Variants in ANKRD13C observed in about 807,000 individuals in gnomAD.
The protein encoded by ANKRD13C is ankyrin repeat domain 13C, also known as ankyrin repeat domain-containing protein 13C.
In ANKRD13C, 16 loss-of-function variants were observed where a neutral mutation model predicts 65.5. The ratio of observed to expected loss-of-function variants is 0.24; its 90% CI spans 0.17 to 0.37. The LOEUF is 0.37. ANKRD13C is among the 10% of genes least tolerant of loss of function. The probability of loss-of-function intolerance (pLI) is 1.00; values close to 1 mark genes in which losing one functional copy is unlikely to be tolerated. For synonymous variants in ANKRD13C, 235 were observed against 238.7 expected (o/e 0.98, Z 0.14); for missense variants, 503 against 655.9 (o/e 0.77, Z 2.55).
In ANKRD13C at chr1:70,260,808, A is replaced by G. The variant is rs1678362888; in HGVS notation, c.*1909T>C. Reference sequence around the variant, plus strand: ...TTCCTACCTCCAGTGTACCCCAGCAAAATATTCATAGCTGTGCTGTTAGGA... The same window carrying G: ...TTCCTACCTCCAGTGTACCCCAGCAGAATATTCATAGCTGTGCTGTTAGGA... On this transcript the variant is annotated 3_prime_UTR_variant, in exon 13 of 13. Coordinates refer to ENST00000370944, the MANE Select transcript of ANKRD13C (RefSeq NM_030816.5). 2 of 152,116 alleles carry G rather than the reference A, an allele frequency of 1.3e-5. No homozygotes were observed. The highest frequency in any genetic ancestry group is 2.9e-5 in the Non-Finnish European group (2 of 67,966). The allele number at this position is 152,116 out of a possible 1,614,324, so 9.4% of individuals were successfully genotyped here.
chr1:70,336,152 C>G (rs1443997800), intron 1 of ANKRD13C, 53 bp from the exon 2 acceptor site: 2 of 496,926 alleles, frequency 4.0e-6, no homozygotes, highest in Non-Finnish European at 6.2e-6. Flanking sequence ...AACATAAGAA[C>G]ATTTACTTAA....
At chr1:70,274,865 A>C in intron 10 of ANKRD13C, 47 bp from the exon 11 acceptor site, 1 of 1,156,862 alleles carries the variant, frequency 8.6e-7, no homozygotes, top group Non-Finnish European at 1.3e-6. Context: ...TCCATAGTCT[A>C]TCACCTTCCT....
At chr1:70,272,505 C>T (rs573351697) in intron 11 of ANKRD13C, among the ~76,000 whole-genome samples, 1 of 152,088 alleles carries the variant, frequency 6.6e-6, no homozygotes. Flanking sequence ...CAGGTGTGCA[C>T]CACCATGTCC....
chr1:70,274,825 T>A lies in ANKRD13C; in HGVS notation c.1296-7A>T, dbSNP rs763114726. On this transcript the variant is annotated splice_polypyrimidine_tract_variant and splice_region_variant and intron_variant, in intron 10 of 12. Transcript: ENST00000370944. ...TCTACCCAGATGAGGAGCTCTAAAA[T>A]GGGAGGAAAAAAAATGTTAGGAAAC... 1.9e-6 allele frequency: 3 copies of A among 1,595,980 alleles called. No individual in the cohort carries two copies. Among genetic ancestry groups the A allele is most frequent in the Non-Finnish European group, 2.6e-6 (3 of 1,164,734 alleles).
intron 12 of ANKRD13C, 143 bp from the exon 13 acceptor site, chr1:70,262,990 TGTAGTACTG>T (rs1169744334): frequency 2.9e-6 from 2 of 685,424 alleles, no homozygotes; most frequent in African/African-American, 4.0e-5. Context: ...TTCAAATATA[TGTAGTACTG>T]AGTGTGTGTT....
chr1:70,326,262 AAAGAC>A (rs1393092511), intron 2 of ANKRD13C, among the ~76,000 whole-genome samples: 9 of 143,020 alleles, frequency 6.3e-5, no homozygotes, highest in Non-Finnish European at 1.4e-4. Flanking sequence ...AAAAAAAAAA[AAAGAC>A]AGCCATCCAT....
intron 1 of ANKRD13C, among the ~76,000 whole-genome samples, chr1:70,351,056 G>A (rs764553434): frequency 6.6e-6 from 1 of 152,198 alleles, no homozygotes; most frequent in Non-Finnish European, 1.5e-5. Context: ...AGCTACTCAG[G>A]AGGCTGAGGC....
rs1310612643 is a variant in ANKRD13C, at chr1:70,261,609, C to T, written c.*1108G>A. On this transcript the variant is annotated 3_prime_UTR_variant, in exon 13 of 13. Transcript: ENST00000370944. ...TGGAGACAATGAAATCAATATTTTCCTGTGATTTAAAAAAAATAATAGGAG... is the reference window on the plus strand; with the variant it reads ...TGGAGACAATGAAATCAATATTTTCTTGTGATTTAAAAAAAATAATAGGAG... The T allele has an allele frequency of 1.3e-5, 2 of 151,946 alleles. No homozygotes were observed. The highest frequency in any genetic ancestry group is 6.6e-5 in the Admixed American group (1 of 15,190). The allele number at this position is 151,946 out of a possible 1,614,324, so 9.4% of individuals were successfully genotyped here.
At chr1:70,317,300 C>A (rs1681111521) in intron 3 of ANKRD13C, among the ~76,000 whole-genome samples, 1 of 152,062 alleles carries the variant, frequency 6.6e-6, no homozygotes, top group African/African-American at 2.4e-5. Flanking sequence ...AGCTCGGTGA[C>A]CTAAATCAAT....
At chr1:70,337,293 T>C (rs1427087430) in intron 1 of ANKRD13C, among the ~76,000 whole-genome samples, 1 of 152,040 alleles carries the variant, frequency 6.6e-6, no homozygotes, top group East Asian at 1.9e-4. Context: ...ACTAAAGTCA[T>C]CTCCATGGCC....
chr1:70,310,062 G>T (rs1680785833), intron 5 of ANKRD13C, among the ~76,000 whole-genome samples: 1 of 152,074 alleles, frequency 6.6e-6, no homozygotes, highest in Admixed American at 6.6e-5. Context: ...TTAGGGGTCG[G>T]TATTTCTGAC....
At chr1:70,306,018 G>C (rs1336040359) in intron 6 of ANKRD13C, 1 of 281,846 alleles carries the variant, frequency 3.5e-6, no homozygotes, top group East Asian at 6.6e-5. Context: ...TTTCCACTTT[G>C]AGTTTGTTCT....
intron 9 of ANKRD13C, among the ~76,000 whole-genome samples, chr1:70,281,700 C>T (rs917145974): frequency 2.0e-5 from 3 of 151,678 alleles, no homozygotes; most frequent in East Asian, 2.0e-4. Context: ...TCACCATGCC[C>T]GGGTTAAATT....
At chr1:70,331,920 A>C (rs1183590051) in intron 2 of ANKRD13C, among the ~76,000 whole-genome samples, 1 of 152,140 alleles carries the variant, frequency 6.6e-6, no homozygotes, top group African/African-American at 2.4e-5. Flanking sequence ...CAAATATAAA[A>C]AATATCAACA....
At chr1:70,295,691 G>A (rs1680052974) in intron 8 of ANKRD13C, among the ~76,000 whole-genome samples, 1 of 151,992 alleles carries the variant, frequency 6.6e-6, no homozygotes, top group African/African-American at 2.4e-5. Context: ...AGAAATGTAA[G>A]GTTATTTAAT....
At chr1:70,325,049 A>T in intron 2 of ANKRD13C, 92 bp from the exon 3 acceptor site, 2 of 835,322 alleles carry the variant, frequency 2.4e-6, no homozygotes, top group Non-Finnish European at 3.6e-6. Context: ...CCAAATTAAC[A>T]TAAATAGATG....
chr1:70,330,135 A>G (rs1468803643), intron 2 of ANKRD13C, among the ~76,000 whole-genome samples: 1 of 152,078 alleles, frequency 6.6e-6, no homozygotes, highest in Non-Finnish European at 1.5e-5. Flanking sequence ...TTCTCTCAGT[A>G]ATGTTAACAA....
rs1180827448 is a variant in ANKRD13C, at chr1:70,319,607, C to CAAAAAAAAAAAAAAAAAAAAA, written c.578-4042_578-4041insTTTTTTTTTTTTTTTTTTTTT. 3.7e-4 allele frequency among the ~76,000 whole-genome samples: 45 copies of CAAAAAAAAAAAAAAAAAAAAA among 121,132 alleles called. 1 individual carries two copies. The highest frequency in any genetic ancestry group is 1.4e-3 in the African/African-American group (43 of 31,162). 79.5% of individuals were successfully genotyped at this position (121,132 alleles called of 152,430 possible). On this transcript the variant is annotated intron_variant, in intron 3 of 12. Transcript: ENST00000370944. ...GAGCAACAAGAGGGAAACTCCATCT[C>CAAAAAAAAAAAAAAAAAAAAA]AAAAAAAAAAAGAAACCAAATACAT...
intron 8 of ANKRD13C, among the ~76,000 whole-genome samples, chr1:70,294,065 A>G (rs1289652961): frequency 6.6e-6 from 1 of 152,242 alleles, no homozygotes; most frequent in Non-Finnish European, 1.5e-5. Context: ...CAATTGCTAA[A>G]AAGAGTGAAC....
Sources: gnomAD v4.1 joint callset for allele counts (sites outside exome capture counted in the v4.1 genomes callset) on GRCh38, gnomAD v4.1.1 for gene constraint, MANE v1.5 for transcripts, NCBI Gene and HGNC (gene_info 2026-07-23, HGNC 2026-07-21) for gene names.